SLIT2: variants seen among roughly 807,000 people sequenced by gnomAD.
The protein encoded by SLIT2 is slit homolog 2 protein.
In SLIT2, 41 loss-of-function variants were observed where a neutral mutation model predicts 185.7. That is an observed-to-expected ratio of 0.22 (90% CI 0.17 to 0.29). SLIT2 has a LOEUF of 0.29. Among genes scored for constraint, SLIT2 ranks in the 10% least tolerant of loss-of-function variants. The probability of loss-of-function intolerance (pLI) is 1.00; values close to 1 mark genes in which losing one functional copy is unlikely to be tolerated. For missense variants in SLIT2, 1,571 were observed against 1,909.0 expected (o/e 0.82, Z 3.30); for synonymous variants, 693 against 680.2 (o/e 1.02, Z -0.29).
intron 9 of SLIT2, among the ~76,000 whole-genome samples, chr4:20,502,442 T>C (rs976090183): frequency 1.3e-5 from 2 of 152,184 alleles, no homozygotes; most frequent in African/African-American, 4.8e-5. Context: ...AAGGGGACAG[T>C]CTCAACCTTC....
intron 4 of SLIT2, among the ~76,000 whole-genome samples, chr4:20,446,925 T>C (rs1711867789): frequency 6.6e-6 from 1 of 152,226 alleles, no homozygotes; most frequent in Non-Finnish European, 1.5e-5. Context: ...AATTATATTT[T>C]TGTTTAGGAT....
At chr4:20,457,650 T>G (rs1238812661) in intron 4 of SLIT2, among the ~76,000 whole-genome samples, 2 of 152,186 alleles carry the variant, frequency 1.3e-5, no homozygotes, top group African/African-American at 4.8e-5. Flanking sequence ...TTTTAATCAG[T>G]GCAGTGGCAT....
intron 4 of SLIT2, among the ~76,000 whole-genome samples, chr4:20,321,254 T>A (rs1010235851): frequency 2.6e-5 from 4 of 152,236 alleles, no homozygotes; most frequent in Non-Finnish European, 4.4e-5. Context: ...AAGCCCAGGC[T>A]ACACATCACT....
At chr4:20,567,193 A>T (rs1437150281) in intron 26 of SLIT2, 69 bp from the exon 27 acceptor site, 7 of 1,284,598 alleles carry the variant, frequency 5.4e-6, no homozygotes, top group Non-Finnish European at 7.7e-6. Flanking sequence ...CCATTACATT[A>T]AGGCATACAA....
intron 4 of SLIT2, among the ~76,000 whole-genome samples, chr4:20,421,172 G>T (rs1055599193): frequency 6.6e-6 from 1 of 152,090 alleles, no homozygotes; most frequent in African/African-American, 2.4e-5. Context: ...TAAATTTGAT[G>T]AAGGATTTGG....
Position 20,598,349 on chromosome 4 carries a change from C to T in SLIT2, c.3646C>T (p.Arg1216Cys), listed in dbSNP as rs747000768. ...GGTAGAACTCTATCGGGGGCGTGTTCGTGCCAGCTATGACACCGGCTCTCA... is the reference window on the plus strand; with the variant it reads ...GGTAGAACTCTATCGGGGGCGTGTTTGTGCCAGCTATGACACCGGCTCTCA... ...IAVELYRGRV[R>C]ASYDTGSHPA... The change falls in exon 33 of 37, where the codon CGT becomes TGT. Residue 1216 changes from arginine to cysteine, a missense_variant. Arg to Cys is a radical substitution (Grantham distance 180). This residue lies in a region of SLIT2 where 146 missense variants were observed against 247.4 expected (regional missense o/e 0.59). Coordinates refer to ENST00000504154, the MANE Select transcript of SLIT2 (RefSeq NM_004787.4). 5 of 1,614,020 alleles carry T rather than the reference C, an allele frequency of 3.1e-6. No homozygotes were observed. Among genetic ancestry groups the T allele is most frequent in the African/African-American group, 1.3e-5 (1 of 75,000 alleles).
intron 29 of SLIT2, among the ~76,000 whole-genome samples, chr4:20,577,459 A>G (rs986465249): frequency 6.6e-6 from 1 of 152,190 alleles, no homozygotes; most frequent in African/African-American, 2.4e-5. Context: ...CCGATTATGT[A>G]CGTGTCCCAT....
intron 9 of SLIT2, among the ~76,000 whole-genome samples, chr4:20,500,177 T>G (rs13104018): frequency 0.05 from 7,577 of 152,286 alleles, 281 homozygotes; most frequent in South Asian, 0.077. Context: ...GTTGGCAATT[T>G]CAAAGTGCAA....
At chr4:20,542,346 C>A in intron 20 of SLIT2, 148 bp from the exon 21 acceptor site, 1 of 777,620 alleles carries the variant, frequency 1.3e-6, no homozygotes, top group East Asian at 2.5e-5. Flanking sequence ...CTTACGGTAT[C>A]AATTAGTAAA....
chr4:20,613,734 G>A (rs1729423647), intron 34 of SLIT2, among the ~76,000 whole-genome samples: 1 of 152,148 alleles, frequency 6.6e-6, no homozygotes, highest in South Asian at 2.1e-4. Flanking sequence ...AAAAACCAGG[G>A]ATGCTGCCCA....
At chr4:20,372,555 T>A (rs951881734) in intron 4 of SLIT2, among the ~76,000 whole-genome samples, 7 of 152,154 alleles carry the variant, frequency 4.6e-5, no homozygotes, top group Non-Finnish European at 8.8e-5. Context: ...AATTTATATC[T>A]TTAACTGTGT....
chr4:20,392,319 T>C (rs528617063), intron 4 of SLIT2: 15 of 152,038 alleles, frequency 9.9e-5, no homozygotes, highest in Non-Finnish European at 1.9e-4. Flanking sequence ...AGTGAAAATA[T>C]GGTGTAAAAG....
chr4:20,259,076 A>G (rs1396214292), intron 3 of SLIT2, among the ~76,000 whole-genome samples: 3 of 151,610 alleles, frequency 2.0e-5, no homozygotes, highest in African/African-American at 4.8e-5. Context: ...GTCTTTCTCT[A>G]TGTTAAATAT....
intron 5 of SLIT2, among the ~76,000 whole-genome samples, chr4:20,470,511 T>TGC (rs1553907755): frequency 6.6e-6 from 1 of 151,076 alleles, no homozygotes; most frequent in Non-Finnish European, 1.5e-5. Flanking sequence ...TGTGTGTGTG[T>TGC]GTGTGTGTGT....
intron 12 of SLIT2, among the ~76,000 whole-genome samples, chr4:20,522,066 A>G (rs1720889804): frequency 6.6e-6 from 1 of 152,140 alleles, no homozygotes; most frequent in South Asian, 2.1e-4. Context: ...AAATTTCTCC[A>G]TTCCTATGGA....
chr4:20,347,370 CTG>C (rs1721514821), intron 4 of SLIT2, among the ~76,000 whole-genome samples: 1 of 152,148 alleles, frequency 6.6e-6, no homozygotes, highest in Admixed American at 6.5e-5. Flanking sequence ...ATTAAGAAGA[CTG>C]AATTCTTTTT....
intron 26 of SLIT2, among the ~76,000 whole-genome samples, chr4:20,554,745 TG>T (rs1358686951): frequency 6.6e-6 from 1 of 150,804 alleles, no homozygotes; most frequent in African/African-American, 2.5e-5. Flanking sequence ...TGTGGGGTTT[TG>T]GGGGGGCTTT....
At chr4:20,273,285 TTATC>T (rs553729005) in intron 4 of SLIT2, among the ~76,000 whole-genome samples, 269 of 152,142 alleles carry the variant, frequency 1.8e-3, no homozygotes, top group African/African-American at 5.9e-3. Context: ...GAAGTAAAAA[TTATC>T]TATTATCTCA....
intron 4 of SLIT2, among the ~76,000 whole-genome samples, chr4:20,312,592 T>C (rs1401423149): frequency 6.6e-6 from 1 of 151,784 alleles, no homozygotes; most frequent in Non-Finnish European, 1.5e-5. Context: ...GCCAACATGG[T>C]GAAACCCCAT....
Sources: allele counts gnomAD v4.1 joint callset (sites outside exome capture counted in the v4.1 genomes callset), GRCh38; gene constraint gnomAD v4.1.1; regional missense constraint gnomAD v4.1.1; transcripts MANE v1.5; gene names NCBI Gene and HGNC (gene_info 2026-07-23, HGNC 2026-07-21).